The following RPS3A variants were observed in gnomAD, a reference collection of about 807,000 sequenced individuals.
The protein encoded by RPS3A is small ribosomal subunit protein eS1.
In RPS3A, 1 loss-of-function variant was observed where a neutral mutation model predicts 26.4. The observed-to-expected ratio is 0.04, with a 90% CI of 0.01 to 0.18. RPS3A has a LOEUF of 0.18. RPS3A is among the 10% of genes least tolerant of loss of function. RPS3A has a pLI of 1.00. For missense variants in RPS3A, 139 were observed against 326.8 expected, an observed-to-expected ratio of 0.43 and a Z score of 4.43; for synonymous variants, 97 against 106.1, an observed-to-expected ratio of 0.91 and a Z score of 0.53.
chr4:151,104,329 GT>G (rs1379377487), intron 5 of RPS3A, 43 bp downstream of exon 5: 5 of 1,587,232 alleles, frequency 3.2e-6, no homozygotes, highest in Admixed American at 3.6e-5. Flanking sequence ...CAAATACATT[GT>G]TTTTGGGTGG....
rs1747079592 is a variant in RPS3A at position 151,100,655 on chromosome 4, G to C, written c.166+67G>C. 1.2e-5 allele frequency: 12 copies of C among 969,046 alleles called. No individual in the cohort carries two copies. In the South Asian group the frequency reaches 1.6e-4, roughly 13 times the overall value. 60.0% of individuals were successfully genotyped at this position (969,046 alleles called of 1,614,324 possible). A position where few individuals can be genotyped will look rare whatever the true frequency, so the allele number is the denominator to read the frequency against. ...GCTTGTATATTGTAGCAGGCATCTT[G>C]GTCTGTTGTTGGTCCTGTGGTGGGA... On this transcript the variant is annotated intron_variant, in intron 2 of 5. Coordinates refer to ENST00000274065, the MANE Select transcript of RPS3A (RefSeq NM_001006.5).
At chr4:151,099,997 A>G (rs944222678) in intron 1 of RPS3A, 6 of 637,282 alleles carry the variant, frequency 9.4e-6, no homozygotes, top group Admixed American at 2.1e-5. Flanking sequence ...AGCTGCCTCA[A>G]TTCTGCGAGT....
intron 4 of RPS3A, chr4:151,103,824 G>A (rs187162289): frequency 8.3e-5 from 114 of 1,367,008 alleles, no homozygotes; most frequent in Admixed American, 5.7e-4. Flanking sequence ...AATGATGCAC[G>A]GGAATAAGTG....
chr4:151,102,692 G>C, intron 3 of RPS3A, 179 bp from the exon 4 acceptor site: 1 of 694,946 alleles, frequency 1.4e-6, no homozygotes, highest in Non-Finnish European at 2.3e-6. Context: ...GTAAGAATTT[G>C]GGGGTAACTT....
Position 151,104,587 on chromosome 4 carries a change from T to G in RPS3A, c.789T>G (p.Ser263=). 3 of 1,567,124 alleles carry G rather than the reference T, an allele frequency of 1.9e-6. No individual in the cohort carries two copies. Among genetic ancestry groups the G allele is most frequent in the Non-Finnish European group, 2.6e-6 (3 of 1,171,822 alleles). The part of the protein sequence containing the change: ...ADGYEPPVQE[S]V ...GATATGAACCACCAGTCCAAGAATC[T>G]GTTTAAAGTTCAGACTTCAAATAGT... The change falls in exon 6 of 6, where the codon TCT becomes TCG. Residue 263 remains serine (S), a synonymous_variant. Transcript: ENST00000274065.
chr4:151,099,643 G>C lies in RPS3A; in HGVS notation c.-10G>C. Reference sequence around the variant, plus strand: ...CCCACTTCCGCCCTTTTGGCTCTCTGACCAGCACCATGGCGGTTGGCAAGA... The same window carrying C: ...CCCACTTCCGCCCTTTTGGCTCTCTCACCAGCACCATGGCGGTTGGCAAGA... On this transcript the variant is annotated 5_prime_UTR_variant, in exon 1 of 6. Coordinates refer to ENST00000274065, the MANE Select transcript of RPS3A (RefSeq NM_001006.5). 1 of 1,613,644 alleles carries C rather than the reference G, an allele frequency of 6.2e-7. No homozygotes were observed. Among genetic ancestry groups the C allele is most frequent in the Non-Finnish European group, 8.5e-7 (1 of 1,179,900 alleles).
intron 4 of RPS3A, chr4:151,103,826 G>C: frequency 1.5e-6 from 2 of 1,370,652 alleles, no homozygotes; most frequent in Non-Finnish European, 1.9e-6. Context: ...TGATGCACGG[G>C]AATAAGTGAT....
At position 151,099,712 on chromosome 4, in the gene RPS3A, A is replaced by G. The variant is rs1747026957; in HGVS notation, c.60A>G (p.Lys20=). 8 of 1,612,798 alleles carry G rather than the reference A, an allele frequency of 5.0e-6. No individual in the cohort carries two copies. In the South Asian group the frequency reaches 7.7e-5, roughly 16 times the overall value. Residue 20 remains lysine (K), a splice_region_variant and synonymous_variant, in exon 1 of 6, where the codon AAA becomes AAG. Transcript: ENST00000274065. Reference sequence around the variant, plus strand: ...GCGGCAAAAAGGGAGCCAAGAAGAAAGTGTAAGTCGCGACTGTCGTGGCGT... The same window carrying G: ...GCGGCAAAAAGGGAGCCAAGAAGAAGGTGTAAGTCGCGACTGTCGTGGCGT... ...TKGGKKGAKK[K]VVDPFSKKDW...
rs1561166198 is a variant in RPS3A at position 151,104,610 on chromosome 4, A to G, written c.*17A>G. The G allele has an allele frequency of 4.5e-6, 7 of 1,563,304 alleles. No homozygotes were observed. Among genetic ancestry groups the G allele is most frequent in the Non-Finnish European group, 6.0e-6 (7 of 1,170,764 alleles). On this transcript the variant is annotated 3_prime_UTR_variant, in exon 6 of 6. Coordinates refer to ENST00000274065, the MANE Select transcript of RPS3A (RefSeq NM_001006.5). The stretch of plus-strand genomic sequence containing the variant: ...TCTGTTTAAAGTTCAGACTTCAAAT[A>G]GTGGCAAATAAAAAGTGCTATTTGT...
At chr4:151,100,915 A>G (rs2149703243) in intron 2 of RPS3A, 60 bp from the exon 3 acceptor site, 2 of 1,199,960 alleles carry the variant, frequency 1.7e-6, no homozygotes, top group Non-Finnish European at 2.3e-6. Flanking sequence ...CTCAGTTTAC[A>G]GGCTTGACTT....
intron 1 of RPS3A, 47 bp from the exon 2 acceptor site, chr4:151,100,438 G>A: frequency 9.5e-7 from 1 of 1,055,988 alleles, no homozygotes; most frequent in Non-Finnish European, 1.5e-6. Context: ...GAAAAATACA[G>A]TAAGAATTGA....
intron 5 of RPS3A, 76 bp downstream of exon 5, chr4:151,104,362 C>G (rs1747268904): frequency 1.3e-6 from 2 of 1,519,516 alleles, no homozygotes; most frequent in Admixed American, 4.7e-5. Flanking sequence ...GGGGCCATAT[C>G]ATGGCCTTCT....
chr4:151,103,715 A>G, intron 4 of RPS3A: 1 of 1,095,140 alleles, frequency 9.1e-7, no homozygotes, highest in Non-Finnish European at 1.1e-6. Context: ...CAGCCTGGGC[A>G]ATATAGGGAG....
intron 3 of RPS3A, among the ~76,000 whole-genome samples, chr4:151,102,326 T>A (rs948059938): frequency 6.6e-6 from 1 of 152,042 alleles, no homozygotes; most frequent in African/African-American, 2.4e-5. Flanking sequence ...TAGGGGTTTT[T>A]AATTATATTT....
chr4:151,099,823 G>A (rs1747034704), intron 1 of RPS3A, 109 bp downstream of exon 1: 1 of 1,209,568 alleles, frequency 8.3e-7, no homozygotes, highest in Admixed American at 2.0e-5. Context: ...GTCGGATTGT[G>A]CGGGCCGTGG....
intron 2 of RPS3A, 91 bp downstream of exon 2, chr4:151,100,679 G>A: frequency 1.3e-6 from 1 of 790,216 alleles, no homozygotes; most frequent in Admixed American, 2.2e-5. Context: ...CCTGTGGTGG[G>A]AGACTTTAAG....
Position 151,104,439 on chromosome 4 carries a change from G to GTTTTTTTTTTTTT in RPS3A, c.674-22_674-10dup, listed in dbSNP as rs386401872. The GTTTTTTTTTTTTT allele has an allele frequency of 2.5e-3, 1,768 of 711,456 alleles. 58 individuals are homozygous for GTTTTTTTTTTTTT. Among genetic ancestry groups the GTTTTTTTTTTTTT allele is most frequent in the Admixed American group, 5.8e-3 (70 of 12,090 alleles). 44.1% of individuals were successfully genotyped at this position (711,456 alleles called of 1,614,324 possible). On this transcript the variant is annotated intron_variant, in intron 5 of 5. Coordinates refer to ENST00000274065, the MANE Select transcript of RPS3A (RefSeq NM_001006.5). ...TTCAAGATATACTAACAGTTTTTTG[G>GTTTTTTTTTTTTT]TTTTTTTTTTTTTTTTTTTTTTTGC...
intron 2 of RPS3A, 131 bp downstream of exon 2, chr4:151,100,719 C>A: frequency 1.5e-6 from 1 of 660,146 alleles, no homozygotes; most frequent in Non-Finnish European, 2.7e-6. Flanking sequence ...GCAGCCTTGG[C>A]ACCTGTGGTG....
rs114706251 is a variant in RPS3A at position 151,102,795 on chromosome 4, C to T, written c.355-76C>T. On this transcript the variant is annotated intron_variant, in intron 3 of 5. Coordinates refer to ENST00000274065, the MANE Select transcript of RPS3A (RefSeq NM_001006.5). ...TAATAATGAGTGTTTGACAATCCAG[C>T]TTTTTAAAATTAGAACTTGAGGGAT... The T allele has an allele frequency of 1.2e-3, 1,764 of 1,475,266 alleles. 11 individuals are homozygous for T. In the African/African-American group the frequency reaches 0.023, roughly 19 times the overall value. The allele number at this position is 1,475,266 out of a possible 1,614,324, so 91.4% of individuals were successfully genotyped here.
Sources: allele counts gnomAD v4.1 joint callset (sites outside exome capture counted in the v4.1 genomes callset), GRCh38; gene constraint gnomAD v4.1.1; transcripts MANE v1.5; gene names NCBI Gene and HGNC (gene_info 2026-07-23, HGNC 2026-07-21).